JPH3: variants seen among roughly 807,000 people sequenced by gnomAD.
The protein encoded by JPH3 is junctophilin-3.
JPH3 carries 11 observed loss-of-function variants against 59.6 expected under a neutral mutation model. The observed-to-expected ratio is 0.18, with a 90% CI of 0.12 to 0.31. The LOEUF is 0.31. Ranked by LOEUF, JPH3 falls within the 10% of genes least tolerant of loss-of-function variation. The probability of loss-of-function intolerance (pLI) is 1.00; values close to 1 mark genes in which losing one functional copy is unlikely to be tolerated. For missense variants in JPH3, 1,202 were observed against 1,105.7 expected, an observed-to-expected ratio of 1.09 and a Z score of -1.24; for synonymous variants, 673 against 483.6, an observed-to-expected ratio of 1.39 and a Z score of -5.14.
chr16:87,691,490 C>A (rs781696767), intron 4 of JPH3, among the ~76,000 whole-genome samples: 1 of 152,050 alleles, frequency 6.6e-6, no homozygotes, highest in Non-Finnish European at 1.5e-5. Context: ...GCGCTCAGGG[C>A]GTGTGGGCCG....
intron 1 of JPH3, among the ~76,000 whole-genome samples, chr16:87,632,248 G>T (rs531103569): frequency 1.3e-4 from 20 of 152,232 alleles, no homozygotes; most frequent in African/African-American, 4.1e-4. Context: ...CTTTCCCAGT[G>T]CCTGCTGAAG....
chr16:87,611,208 G>T lies in JPH3; in HGVS notation c.382+7680G>T, dbSNP rs1195580470. 6.6e-6 allele frequency among the ~76,000 whole-genome samples: 1 copy of T among 152,210 alleles called. No homozygotes were observed. Among genetic ancestry groups the T allele is most frequent in the Non-Finnish European group, 1.5e-5 (1 of 68,038 alleles). Reference sequence around the variant, plus strand: ...GGAGTCTGAACAGGGATGCAAAACCGAGATATATGGAATAATTCAGGGTTT... The same window carrying T: ...GGAGTCTGAACAGGGATGCAAAACCTAGATATATGGAATAATTCAGGGTTT... On this transcript the variant is annotated intron_variant, in intron 1 of 4. Coordinates refer to ENST00000284262, the MANE Select transcript of JPH3 (RefSeq NM_020655.4). The surrounding 1 kb of genome is among the most constrained non-coding windows in gnomAD (Gnocchi z 4.5).
At chr16:87,617,150 G>C (rs562936403) in intron 1 of JPH3, among the ~76,000 whole-genome samples, 1 of 152,332 alleles carries the variant, frequency 6.6e-6, no homozygotes, top group East Asian at 1.9e-4. Context: ...TTGAGCCTGG[G>C]AGGCGGAGGT....
intron 3 of JPH3, 34 bp from the exon 4 acceptor site, chr16:87,689,612 A>G (rs1341619205): frequency 6.2e-7 from 1 of 1,602,166 alleles, no homozygotes. Flanking sequence ...GTGCTGGGTA[A>G]CGCCGTCTGG....
At chr16:87,620,089 CAG>C (rs1264971880) in intron 1 of JPH3, among the ~76,000 whole-genome samples, 1 of 152,220 alleles carries the variant, frequency 6.6e-6, no homozygotes, top group East Asian at 2.0e-4. Flanking sequence ...CCTTGGGAAA[CAG>C]AGGTCCCAGC....
intron 3 of JPH3, among the ~76,000 whole-genome samples, chr16:87,685,585 G>T (rs970327273): frequency 7.2e-5 from 11 of 152,268 alleles, no homozygotes; most frequent in Non-Finnish European, 1.3e-4. Flanking sequence ...AGTGCTGCGG[G>T]ATGGACGAAC....
chr16:87,613,589 G>A (rs2030820250), intron 1 of JPH3, among the ~76,000 whole-genome samples: 1 of 152,168 alleles, frequency 6.6e-6, no homozygotes, highest in African/African-American at 2.4e-5. Flanking sequence ...TCAAAGTGCT[G>A]GGATTACAGG....
intron 2 of JPH3, among the ~76,000 whole-genome samples, chr16:87,675,542 A>C (rs917169109): frequency 1.3e-5 from 2 of 152,202 alleles, no homozygotes; most frequent in Non-Finnish European, 2.9e-5. Flanking sequence ...GGCTGCCGGC[A>C]GCCCGCAGTG....
intron 1 of JPH3, among the ~76,000 whole-genome samples, chr16:87,610,557 G>A (rs1255884624): frequency 4.6e-5 from 7 of 152,120 alleles, no homozygotes; most frequent in East Asian, 1.9e-4. Context: ...TTTGTTTACC[G>A]TCATTATTTC....
chr16:87,675,205 C>T (rs1182855480), intron 2 of JPH3, among the ~76,000 whole-genome samples: 3 of 147,318 alleles, frequency 2.0e-5, no homozygotes, highest in South Asian at 2.3e-4. Flanking sequence ...GCCGTTTCCC[C>T]GACTCGCTGA....
intron 2 of JPH3, among the ~76,000 whole-genome samples, chr16:87,671,782 G>C (rs1431725352): frequency 6.6e-6 from 1 of 152,206 alleles, no homozygotes; most frequent in African/African-American, 2.4e-5. Flanking sequence ...TGGAGACTGG[G>C]CTGGTCCTGA....
At chr16:87,681,536 G>A (rs1597287278) in intron 2 of JPH3, among the ~76,000 whole-genome samples, 2 of 122,684 alleles carry the variant, frequency 1.6e-5, no homozygotes, top group South Asian at 2.9e-4. Context: ...GCGCGCGGTC[G>A]TGACAGTGCC....
In JPH3 at chr16:87,664,323, C is replaced by T. The variant is rs576199367; in HGVS notation, c.1160+19288C>T. The stretch of plus-strand genomic sequence containing the variant: ...CTCCAGCCTGGGCGACAGAATGAGA[C>T]TCTGTCTGAAAAAAAAAAAAAATCA... On this transcript the variant is annotated intron_variant, in intron 2 of 4. Transcript: ENST00000284262. 5.5e-4 allele frequency among the ~76,000 whole-genome samples: 73 copies of T among 131,822 alleles called. 1 individual carries two copies. Among genetic ancestry groups the T allele is most frequent in the African/African-American group, 2.2e-3 (73 of 32,458 alleles). The allele number at this position is 131,822 out of a possible 152,430, so 86.5% of individuals were successfully genotyped here.
chr16:87,646,789 G>A (rs919288504), intron 2 of JPH3, among the ~76,000 whole-genome samples: 2 of 152,204 alleles, frequency 1.3e-5, no homozygotes, highest in African/African-American at 2.4e-5. Context: ...TGGTTCATGA[G>A]TTCATTGGTT....
intron 1 of JPH3, among the ~76,000 whole-genome samples, chr16:87,610,487 G>A (rs1414322153): frequency 2.0e-5 from 3 of 152,172 alleles, no homozygotes; most frequent in Admixed American, 1.3e-4. Flanking sequence ...GCACGTGGTG[G>A]TCAATAAATA....
intron 1 of JPH3, among the ~76,000 whole-genome samples, chr16:87,614,872 A>G (rs8060474): frequency 7.8e-5 from 10 of 127,630 alleles, no homozygotes; most frequent in East Asian, 2.4e-4. Context: ...CCCTGCACAC[A>G]CGAGGAGCCG....
At chr16:87,612,069 A>C (rs1425673344) in intron 1 of JPH3, among the ~76,000 whole-genome samples, 1 of 152,150 alleles carries the variant, frequency 6.6e-6, no homozygotes, top group East Asian at 1.9e-4. Flanking sequence ...CCCGGGCCCC[A>C]CCCACAGGTG....
At chr16:87,689,148 G>C (rs934720066) in intron 3 of JPH3, among the ~76,000 whole-genome samples, 1 of 152,208 alleles carries the variant, frequency 6.6e-6, no homozygotes, top group East Asian at 1.9e-4. Flanking sequence ...TCTCACGCTG[G>C]CCCCGGCACT....
chr16:87,610,579 T>G (rs561996226), intron 1 of JPH3, among the ~76,000 whole-genome samples: 1 of 152,316 alleles, frequency 6.6e-6, no homozygotes, highest in Admixed American at 6.5e-5. Flanking sequence ...TATGCCTGTT[T>G]CATTGCAAGA....
Sources: allele counts gnomAD v4.1 joint callset (sites outside exome capture counted in the v4.1 genomes callset), GRCh38; gene constraint gnomAD v4.1.1; non-coding constraint Gnocchi (gnomAD v3.1); transcripts MANE v1.5; gene names NCBI Gene and HGNC (gene_info 2026-07-23, HGNC 2026-07-21).